Variants in DLAT observed in about 807,000 individuals in gnomAD.
The protein encoded by DLAT is dihydrolipoyllysine-residue acetyltransferase component of pyruvate dehydrogenase complex, mitochondrial.
A neutral mutation model predicts 68.0 loss-of-function variants in DLAT; 43 were observed. The ratio of observed to expected loss-of-function variants is 0.63; its 90% confidence interval spans 0.50 to 0.81. The LOEUF (loss-of-function observed/expected upper bound fraction) is 0.81, where lower values mean the gene tolerates loss of function less well. Among genes scored for constraint, DLAT ranks in the 40% least tolerant of loss-of-function variants. DLAT has a pLI of 0.00. For missense variants in DLAT, 745 were observed against 815.4 expected (o/e 0.91, Z 1.05); for synonymous variants, 265 against 288.6 (o/e 0.92, Z 0.83).
chr11:112,055,604 G>A (rs1311565523), intron 11 of DLAT, among the ~76,000 whole-genome samples: 1 of 151,944 alleles, frequency 6.6e-6, no homozygotes, highest in Non-Finnish European at 1.5e-5. Flanking sequence ...TTCTGAGTTA[G>A]CCACTGTTAC....
In DLAT at chr11:112,061,077, A is replaced by G. The variant is rs781886028; in HGVS notation, c.1717A>G (p.Ile573Val). 1.2e-6 allele frequency: 2 copies of G among 1,612,322 alleles called. No individual in the cohort carries two copies. The highest frequency in any genetic ancestry group is 8.5e-7 in the Non-Finnish European group (1 of 1,179,016). Residue 573 changes from isoleucine (I) to valine (V), a missense_variant, in exon 13 of 14, where the codon ATT becomes GTT. Ile to Val is a conservative substitution (Grantham distance 29). Transcript: ENST00000280346. Reference protein sequence around the residue: ...FTISNLGMFGIKNFSAIINPP... With the variant: ...FTISNLGMFGVKNFSAIINPP... ...GATCTCCAATTTAGGAATGTTTGGA[A>G]TTAAGAATTTCTCTGCTATTATTAA...
At position 112,051,165 on chromosome 11, in the gene DLAT, G is replaced by T; in HGVS notation, c.1399-69G>T. 9.2e-7 allele frequency: 1 copy of T among 1,083,494 alleles called. No individual in the cohort carries two copies. The highest frequency in any genetic ancestry group is 2.5e-5 in the East Asian group (1 of 40,676). 67.1% of individuals were successfully genotyped at this position (1,083,494 alleles called of 1,614,324 possible). ...TAATAAACCTGGACATTCTGCACAT[G>T]CACCCTGAAACTTAAAATTAAAATT... On this transcript the variant is annotated intron_variant, in intron 10 of 13. Transcript: ENST00000280346. This position sits in a 1 kb window ranked among gnomAD's most constrained non-coding sequence, Gnocchi z 4.3.
At chr11:112,025,841 C>T in intron 1 of DLAT, 90 bp downstream of exon 1, 1 of 1,503,116 alleles carries the variant, frequency 6.7e-7, no homozygotes, top group Non-Finnish European at 9.0e-7. Flanking sequence ...CCTCACTGAT[C>T]CTCCACCCAT....
At chr11:112,032,837 G>T (rs1425121963) in intron 4 of DLAT, among the ~76,000 whole-genome samples, 1 of 152,182 alleles carries the variant, frequency 6.6e-6, no homozygotes, top group Non-Finnish European at 1.5e-5. Context: ...AGGCCAGGGC[G>T]GGCGGATTAC....
chr11:112,028,529 A>G lies in DLAT; in HGVS notation c.396A>G (p.Lys132=), dbSNP rs1862214056. 6 of 1,614,124 alleles carry G rather than the reference A, an allele frequency of 3.7e-6. No homozygotes were observed. Among genetic ancestry groups the G allele is most frequent in the Non-Finnish European group, 4.2e-6 (5 of 1,180,004 alleles). ...GDLIAEVETD[K]ATVGFESLEE... ...TGTGTTAAAAGGTTGAAACTGATAA[A>G]GCCACTGTTGGATTTGAGAGCCTGG... Residue 132 remains lysine (K), a synonymous_variant, in exon 3 of 14, where the codon AAA becomes AAG. Coordinates refer to ENST00000280346, the MANE Select transcript of DLAT (RefSeq NM_001931.5).
At chr11:112,037,586 T>C in intron 6 of DLAT, 126 bp downstream of exon 6, 2 of 949,034 alleles carry the variant, frequency 2.1e-6, no homozygotes, top group South Asian at 2.8e-5. Context: ...GGAGATAGTT[T>C]ATTAACATTT....
At chr11:112,040,310 A>G (rs143250482) in intron 7 of DLAT, among the ~76,000 whole-genome samples, 8 of 152,332 alleles carry the variant, frequency 5.3e-5, no homozygotes, top group Non-Finnish European at 1.2e-4. Context: ...TACTTAATGT[A>G]CACAACACTT....
chr11:112,058,956 G>A (rs893081588), intron 11 of DLAT, among the ~76,000 whole-genome samples: 6 of 151,494 alleles, frequency 4.0e-5, no homozygotes, highest in Non-Finnish European at 7.4e-5. Context: ...TATTTTCAGT[G>A]TTAAAAAGGT....
At chr11:112,037,184 G>A in intron 5 of DLAT, 89 bp from the exon 6 acceptor site, 1 of 1,334,190 alleles carries the variant, frequency 7.5e-7, no homozygotes, top group Non-Finnish European at 1.1e-6. Flanking sequence ...GCTTGAATGA[G>A]AAAAATCACT....
intron 8 of DLAT, 44 bp downstream of exon 8, chr11:112,043,577 C>T (rs1863153935): frequency 6.7e-7 from 1 of 1,489,688 alleles, no homozygotes; most frequent in Non-Finnish European, 9.4e-7. Flanking sequence ...TTTGTCTCTA[C>T]AGCCTGTTAG....
intron 4 of DLAT, 67 bp downstream of exon 4, chr11:112,029,012 G>A: frequency 1.3e-6 from 2 of 1,555,828 alleles, no homozygotes; most frequent in South Asian, 1.1e-5. Context: ...TTCATAGATG[G>A]CTACTACATC....
chr11:112,040,710 AGTATATTGCTATCATATAT>A (rs1555180957), intron 7 of DLAT, among the ~76,000 whole-genome samples: 1 of 152,112 alleles, frequency 6.6e-6, no homozygotes, highest in African/African-American at 2.4e-5. Flanking sequence ...CCATTTCAGT[AGTATATTGCTATCATATAT>A]GTATATATGA....
intron 4 of DLAT, among the ~76,000 whole-genome samples, chr11:112,029,614 GACCCCA>G (rs1555179797): frequency 6.6e-6 from 1 of 151,722 alleles, no homozygotes; most frequent in Non-Finnish European, 1.5e-5. Context: ...CCTGCCACCA[GACCCCA>G]TCTCTAACAT....
intron 5 of DLAT, among the ~76,000 whole-genome samples, chr11:112,036,201 GTTTTTTTTTTTTTTTTTT>G (rs1167345612): frequency 2.7e-5 from 1 of 36,474 alleles, no homozygotes; most frequent in African/African-American, 9.0e-5. Context: ...GTGTGTGTGT[GTTTTTTTTTTTTTTTTTT>G]TTTTTTTTTT....
intron 6 of DLAT, 80 bp downstream of exon 6, chr11:112,037,540 G>C (rs1413191605): frequency 1.1e-5 from 15 of 1,386,206 alleles, no homozygotes; most frequent in African/African-American, 1.5e-5. Flanking sequence ...TGATATCCTA[G>C]GTTCCTTCCA....
At chr11:112,047,740 G>C (rs1414451342) in intron 10 of DLAT, among the ~76,000 whole-genome samples, 3 of 152,124 alleles carry the variant, frequency 2.0e-5, no homozygotes, top group Non-Finnish European at 4.4e-5. Context: ...CCCATTGCTT[G>C]TTGTTGTCAG....
rs1555179704 is a variant in DLAT at position 112,028,906 on chromosome 11, T to C, written c.621T>C (p.Ser207=). 1 of 1,614,176 alleles carries C rather than the reference T, an allele frequency of 6.2e-7. No homozygotes were observed. Among genetic ancestry groups the C allele is most frequent in the Admixed American group, 1.7e-5 (1 of 60,020 alleles). The change falls in exon 4 of 14, where the codon TCT becomes TCC. Residue 207 remains serine (S), a synonymous_variant. Transcript: ENST00000280346. ...CCACTGCTTCGCCACCTACACCTTC[T>C]GCTCAGGCTCCTGGTAGCTCATATC... ...PAATASPPTP[S]AQAPGSSYPP...
In DLAT at chr11:112,063,999, G is replaced by A. The variant is rs1360682726; in HGVS notation, c.*1464G>A. 8.5e-6 allele frequency: 5 copies of A among 587,480 alleles called. No homozygotes were observed. In the African/African-American group the frequency reaches 9.4e-5, roughly 11 times the overall value. The allele number at this position is 587,480 out of a possible 1,614,324, so 36.4% of individuals were successfully genotyped here. ...ATATTCATTATTACATGGTACACAA[G>A]TGACACTCCATATATTCCACACAGA... On this transcript the variant is annotated 3_prime_UTR_variant, in exon 14 of 14. Coordinates refer to ENST00000280346, the MANE Select transcript of DLAT (RefSeq NM_001931.5).
chr11:112,056,126 A>C (rs587768196), intron 11 of DLAT, among the ~76,000 whole-genome samples: 2 of 152,026 alleles, frequency 1.3e-5, no homozygotes, highest in East Asian at 3.9e-4. Context: ...TCGGCCTCCC[A>C]AAGTGCTGGG....
Sources: allele counts gnomAD v4.1 joint callset (sites outside exome capture counted in the v4.1 genomes callset), GRCh38; gene constraint gnomAD v4.1.1; non-coding constraint Gnocchi (gnomAD v3.1); transcripts MANE v1.5; gene names NCBI Gene and HGNC (gene_info 2026-07-23, HGNC 2026-07-21).